The following XRCC2 variants were observed in gnomAD, a reference collection of about 807,000 sequenced individuals.
XRCC2 encodes the protein X-ray repair cross complementing 2, also known as DNA repair protein XRCC2.
A neutral mutation model predicts 27.3 loss-of-function variants in XRCC2; 24 were observed. That is an observed-to-expected ratio of 0.88 (90% CI 0.64 to 1.24). The LOEUF (loss-of-function observed/expected upper bound fraction) is 1.24, where lower values mean the gene tolerates loss of function less well. Among genes scored for constraint, XRCC2 ranks in the 50% most tolerant of loss-of-function variants. The probability of loss-of-function intolerance (pLI) is 0.00; values close to 1 mark genes in which losing one functional copy is unlikely to be tolerated. For synonymous variants in XRCC2, 106 were observed against 115.4 expected (o/e 0.92, Z 0.52); for missense variants, 321 against 325.8 (o/e 0.99, Z 0.11).
intron 2 of XRCC2, among the ~76,000 whole-genome samples, chr7:152,651,290 T>C (rs555598713): frequency 1.3e-5 from 2 of 152,084 alleles, no homozygotes; most frequent in African/African-American, 4.8e-5. Flanking sequence ...TCACAAATAA[T>C]GTATAAGAAA....
At chr7:152,655,776 T>C (rs1044100394) in intron 2 of XRCC2, among the ~76,000 whole-genome samples, 5 of 152,022 alleles carry the variant, frequency 3.3e-5, no homozygotes, top group African/African-American at 1.2e-4. Flanking sequence ...TTTGGGAGGC[T>C]GACACAGGTG....
intron 2 of XRCC2, among the ~76,000 whole-genome samples, chr7:152,653,269 G>A (rs566454873): frequency 1.1e-4 from 16 of 152,238 alleles, no homozygotes; most frequent in African/African-American, 3.6e-4. Flanking sequence ...CTTCTGCAAT[G>A]ATTGTGAGGC....
At chr7:152,665,675 TCTCA>T (rs1463296176) in intron 1 of XRCC2, among the ~76,000 whole-genome samples, 1 of 151,762 alleles carries the variant, frequency 6.6e-6, no homozygotes, top group Non-Finnish European at 1.5e-5. Flanking sequence ...GGAGACAGGG[TCTCA>T]CTATGTTGCC....
intron 1 of XRCC2, among the ~76,000 whole-genome samples, chr7:152,662,565 ATTTTTTTTTTT>A (rs11323323): frequency 0.04 from 2,714 of 68,022 alleles, 123 homozygotes; most frequent in African/African-American, 0.14. Context: ...TTTTATTTGC[ATTTTTTTTTTT>A]TTTTTTTTTT....
rs2098039253 is a variant in XRCC2 at position 152,673,929 on chromosome 7, T to C, written c.39+2112A>G. ...TATTTCAGTTTCTTGGGTTAGCTTA[T>C]GGCTTCAGATATATTCCTCAACACA... On this transcript the variant is annotated intron_variant, in intron 1 of 2. Coordinates refer to ENST00000359321, the MANE Select transcript of XRCC2 (RefSeq NM_005431.2). Among the ~76,000 whole-genome samples the C allele has an allele frequency of 2.0e-5, 3 of 152,174 alleles. No homozygotes were observed. In the South Asian group the frequency reaches 6.2e-4, roughly 31 times the overall value.
chr7:152,662,003 C>T (rs1050794672), intron 1 of XRCC2, among the ~76,000 whole-genome samples: 7 of 152,138 alleles, frequency 4.6e-5, no homozygotes, highest in Non-Finnish European at 8.8e-5. Context: ...CTTGCCCTGT[C>T]GCCCAGGCTG....
At chr7:152,654,965 C>T (rs1413931180) in intron 2 of XRCC2, among the ~76,000 whole-genome samples, 1 of 152,128 alleles carries the variant, frequency 6.6e-6, no homozygotes, top group Admixed American at 6.5e-5. Context: ...AAGATCAAAA[C>T]CTGTAATCAA....
intron 2 of XRCC2, 49 bp from the exon 3 acceptor site, chr7:152,649,412 G>C: frequency 6.6e-7 from 1 of 1,504,328 alleles, no homozygotes; most frequent in Non-Finnish European, 8.8e-7. Flanking sequence ...CTCAAGGGTA[G>C]GTTACAAAAT....
intron 1 of XRCC2, among the ~76,000 whole-genome samples, chr7:152,674,549 T>G (rs2098039488): frequency 6.6e-6 from 1 of 151,150 alleles, no homozygotes; most frequent in South Asian, 2.1e-4. Flanking sequence ...GAGGCGGAAG[T>G]TGCAGTGAGC....
At chr7:152,661,031 G>A (rs1425485630) in intron 1 of XRCC2, among the ~76,000 whole-genome samples, 1 of 152,110 alleles carries the variant, frequency 6.6e-6, no homozygotes, top group Non-Finnish European at 1.5e-5. Context: ...TGGGCATGGT[G>A]GCACACACTG....
At chr7:152,654,575 C>T (rs2098029963) in intron 2 of XRCC2, among the ~76,000 whole-genome samples, 3 of 152,194 alleles carry the variant, frequency 2.0e-5, no homozygotes, top group South Asian at 2.1e-4. Flanking sequence ...TTGTGTAGTC[C>T]GCAAAAGCAC....
At chr7:152,661,558 T>C (rs950282930) in intron 1 of XRCC2, among the ~76,000 whole-genome samples, 29 of 152,190 alleles carry the variant, frequency 1.9e-4, no homozygotes, top group Admixed American at 6.5e-5. Context: ...GCAGGCCTAG[T>C]AGACCTGCTA....
intron 2 of XRCC2, among the ~76,000 whole-genome samples, chr7:152,651,600 TAAG>T (rs1402603242): frequency 2.6e-5 from 4 of 151,952 alleles, no homozygotes; most frequent in Non-Finnish European, 4.4e-5. Flanking sequence ...AAATTTACCT[TAAG>T]AAGAAATTTA....
chr7:152,653,767 T>C (rs1413807644), intron 2 of XRCC2, among the ~76,000 whole-genome samples: 1 of 152,160 alleles, frequency 6.6e-6, no homozygotes, highest in Non-Finnish European at 1.5e-5. Flanking sequence ...CAACCCAAAG[T>C]AGAAATTTTT....
At chr7:152,674,339 G>C (rs2098039419) in intron 1 of XRCC2, among the ~76,000 whole-genome samples, 1 of 152,142 alleles carries the variant, frequency 6.6e-6, no homozygotes, top group Non-Finnish European at 1.5e-5. Flanking sequence ...GTTTTGGCCG[G>C]GCGCAGTGGC....
intron 1 of XRCC2, among the ~76,000 whole-genome samples, chr7:152,662,799 T>C (rs2098033767): frequency 6.6e-6 from 1 of 151,194 alleles, no homozygotes; most frequent in African/African-American, 2.4e-5. Flanking sequence ...GGTCTCGATC[T>C]CCTGACCTCG....
intron 1 of XRCC2, among the ~76,000 whole-genome samples, chr7:152,672,868 T>C (rs2098038714): frequency 6.6e-6 from 1 of 152,196 alleles, no homozygotes; most frequent in South Asian, 2.1e-4. Flanking sequence ...CAATTTTTTA[T>C]TTACCAATTA....
At position 152,649,108 on chromosome 7, in the gene XRCC2, A is replaced by C. The variant is rs1064794088; in HGVS notation, c.377T>G (p.Leu126Ter). Residue 126 changes from leucine (L) to a stop codon, truncating the protein, a stop_gained, in exon 3 of 3, where the codon TTA becomes TGA. Coordinates refer to ENST00000359321, the MANE Select transcript of XRCC2 (RefSeq NM_005431.2). LOFTEE classifies it high-confidence loss of function. ...FLVYCSSSTHLLLTLYSLESM... is the reference protein window; with the variant it reads ...FLVYCSSSTH Reference sequence around the variant, plus strand: ...TTCTAGTGAGTAAAGTGTAAGAAGTAAGTGGGTGCTACTACTGCAGTACAC... The same window carrying C: ...TTCTAGTGAGTAAAGTGTAAGAAGTCAGTGGGTGCTACTACTGCAGTACAC... 6.2e-7 allele frequency: 1 copy of C among 1,614,180 alleles called. No homozygotes were observed. Among genetic ancestry groups the C allele is most frequent in the African/African-American group, 1.3e-5 (1 of 75,070 alleles).
In XRCC2 at chr7:152,648,910, A is replaced by G; in HGVS notation, c.575T>C (p.Phe192Ser). The part of the protein sequence containing the change: ...KLVNDYRLVL[F>S]ATTQTIMQKA... ...CTGCATTATAGTTTGTGTCGTTGCAAAAAGAACCAGGCGATAGTCATTTAC... is the reference window on the plus strand; with the variant it reads ...CTGCATTATAGTTTGTGTCGTTGCAGAAAGAACCAGGCGATAGTCATTTAC... Residue 192 changes from phenylalanine to serine, a missense_variant, in exon 3 of 3, where the codon TTT becomes TCT. Transcript: ENST00000359321. 1 of 1,614,152 alleles carries G rather than the reference A, an allele frequency of 6.2e-7. No homozygotes were observed. The highest frequency in any genetic ancestry group is 8.5e-7 in the Non-Finnish European group (1 of 1,180,032).
Sources: allele counts gnomAD v4.1 joint callset (sites outside exome capture counted in the v4.1 genomes callset), GRCh38; gene constraint gnomAD v4.1.1; transcripts MANE v1.5; gene names NCBI Gene and HGNC (gene_info 2026-07-23, HGNC 2026-07-21).